Variants in GPC6 observed in about 807,000 individuals in gnomAD.
GPC6 encodes glypican 6, also known as glypican-6.
A neutral mutation model predicts 55.2 loss-of-function variants in GPC6; 14 were observed. The observed-to-expected ratio is 0.25, with a 90% confidence interval of 0.17 to 0.40. The LOEUF (loss-of-function observed/expected upper bound fraction) is 0.40, where lower values mean the gene tolerates loss of function less well. Ranked by LOEUF, GPC6 falls within the 10% of genes least tolerant of loss-of-function variation. The pLI is 1.00. For missense variants in GPC6, 641 were observed against 708.5 expected, an observed-to-expected ratio of 0.90 and a Z score of 1.08; for synonymous variants, 278 against 259.6, an observed-to-expected ratio of 1.07 and a Z score of -0.68.
At chr13:93,750,294 T>C (rs1884533468) in intron 2 of GPC6, among the ~76,000 whole-genome samples, 1 of 152,218 alleles carries the variant, frequency 6.6e-6, no homozygotes, top group Admixed American at 6.5e-5. Context: ...TGGCTATTTC[T>C]AGTAGCAAAC....
intron 1 of GPC6, among the ~76,000 whole-genome samples, chr13:93,500,813 A>T (rs1175981877): frequency 1.3e-5 from 2 of 152,256 alleles, no homozygotes; most frequent in Middle Eastern, 3.4e-3. Context: ...TTGTAACAGC[A>T]ATTCTAAGCT....
chr13:93,294,260 C>CATATTATT, intron 1 of GPC6, among the ~76,000 whole-genome samples: 1 of 152,138 alleles, frequency 6.6e-6, no homozygotes, highest in Non-Finnish European at 1.5e-5. Context: ...TTACCCAGGC[C>CATATTATT]TTCAATAAGA....
At chr13:93,795,112 G>T (rs1886156803) in intron 2 of GPC6, among the ~76,000 whole-genome samples, 2 of 152,150 alleles carry the variant, frequency 1.3e-5, no homozygotes, top group South Asian at 4.1e-4. Context: ...ATGCATGAAA[G>T]AATTCAGGGT....
At chr13:93,703,698 A>T (rs1409053942) in intron 2 of GPC6, among the ~76,000 whole-genome samples, 1 of 151,986 alleles carries the variant, frequency 6.6e-6, no homozygotes, top group Non-Finnish European at 1.5e-5. Flanking sequence ...CAAGTTAAAA[A>T]TGGTAAATGC....
chr13:93,360,777 T>C (rs1594118272), intron 1 of GPC6, among the ~76,000 whole-genome samples: 1 of 152,148 alleles, frequency 6.6e-6, no homozygotes, highest in Middle Eastern at 3.4e-3. Flanking sequence ...CTGTTAGAAA[T>C]ATATTCAATA....
chr13:94,210,269 G>T (rs931448969), intron 4 of GPC6, among the ~76,000 whole-genome samples: 2 of 150,214 alleles, frequency 1.3e-5, no homozygotes, highest in African/African-American at 4.9e-5. Flanking sequence ...CGATTCTCCC[G>T]CCTCAGCCTC....
At chr13:93,461,236 C>T (rs1170085403) in intron 1 of GPC6, among the ~76,000 whole-genome samples, 1 of 151,992 alleles carries the variant, frequency 6.6e-6, no homozygotes, top group Non-Finnish European at 1.5e-5. Flanking sequence ...AGTTTTGGTC[C>T]TGCTACTAAA....
At chr13:93,546,231 C>T (rs1043698787) in intron 2 of GPC6, among the ~76,000 whole-genome samples, 15 of 152,146 alleles carry the variant, frequency 9.9e-5, no homozygotes, top group South Asian at 2.1e-4. Context: ...CTTTTGGCTC[C>T]GTTGGTCCTA....
At chr13:93,551,213 A>G (rs771442497) in intron 2 of GPC6, among the ~76,000 whole-genome samples, 4 of 152,166 alleles carry the variant, frequency 2.6e-5, no homozygotes, top group African/African-American at 9.7e-5. Flanking sequence ...TTTATTTTCA[A>G]CAATGTTAAT....
chr13:94,044,987 A>G (rs143095245), intron 4 of GPC6, among the ~76,000 whole-genome samples: 106 of 152,038 alleles, frequency 7.0e-4, no homozygotes, highest in African/African-American at 2.5e-3. Context: ...AATGGGCTAA[A>G]TATAAGAGTG....
chr13:94,247,271 A>G lies in GPC6; in HGVS notation c.878-39078A>G, dbSNP rs555083055. On this transcript the variant is annotated intron_variant, in intron 4 of 8. Transcript: ENST00000377047. ...GTGGAGTCTTTAGGTTTTTCTACAT[A>G]TAGGATCACATTATCTGCAGATACA... Among the ~76,000 whole-genome samples, 3 of 152,242 alleles carry G rather than the reference A, an allele frequency of 2.0e-5. No homozygotes were observed. The South Asian group carries it at 6.2e-4, about 32-fold the overall frequency.
intron 2 of GPC6, among the ~76,000 whole-genome samples, chr13:93,727,590 CT>C (rs1883687962): frequency 6.6e-6 from 1 of 152,136 alleles, no homozygotes; most frequent in South Asian, 2.1e-4. Context: ...TAAATCACAT[CT>C]ACTCATCTCT....
chr13:93,986,083 CA>C (rs1881019405), intron 3 of GPC6, among the ~76,000 whole-genome samples: 1 of 152,086 alleles, frequency 6.6e-6, no homozygotes, highest in African/African-American at 2.4e-5. Context: ...ATCCATTACT[CA>C]ACCCCAAGTT....
intron 1 of GPC6, among the ~76,000 whole-genome samples, chr13:93,453,895 G>T (rs61964187): frequency 0.22 from 33,293 of 152,014 alleles, 4,129 homozygotes; most frequent in Middle Eastern, 0.32. Flanking sequence ...ACCTGAGCGG[G>T]CTGCCACTGC....
intron 4 of GPC6, among the ~76,000 whole-genome samples, chr13:94,263,108 C>T (rs910664331): frequency 3.3e-5 from 5 of 152,132 alleles, no homozygotes; most frequent in Admixed American, 2.0e-4. Context: ...CCCATTTTAC[C>T]GATTTCTAAA....
chr13:93,406,432 T>C (rs1291720745), intron 1 of GPC6, among the ~76,000 whole-genome samples: 5 of 152,146 alleles, frequency 3.3e-5, no homozygotes, highest in African/African-American at 1.2e-4. Context: ...CCCAGCATCT[T>C]TTCTGTCCCC....
At chr13:93,488,359 T>C (rs9589744) in intron 1 of GPC6, among the ~76,000 whole-genome samples, 3,620 of 152,290 alleles carry the variant, frequency 0.024, 170 homozygotes, top group African/African-American at 0.083. Flanking sequence ...TTTCTTAATC[T>C]AGTCTATCAT....
chr13:94,111,117 T>A (rs924843290), intron 4 of GPC6, among the ~76,000 whole-genome samples: 1 of 152,152 alleles, frequency 6.6e-6, no homozygotes, highest in Non-Finnish European at 1.5e-5. Flanking sequence ...TAATAGTAAT[T>A]CAGAGTCCCT....
intron 3 of GPC6, among the ~76,000 whole-genome samples, chr13:94,017,396 A>G (rs1041341224): frequency 6.6e-6 from 1 of 152,162 alleles, no homozygotes; most frequent in African/African-American, 2.4e-5. Context: ...ATCATGGCAG[A>G]AGGCAAAAGA....
Sources: gnomAD v4.1 joint callset for allele counts (sites outside exome capture counted in the v4.1 genomes callset) on GRCh38, gnomAD v4.1.1 for gene constraint, MANE v1.5 for transcripts, NCBI Gene and HGNC (gene_info 2026-07-23, HGNC 2026-07-21) for gene names.